SPAG16: variants seen among roughly 807,000 people sequenced by gnomAD.
SPAG16 encodes sperm-associated antigen 16 protein.
In SPAG16, 86 loss-of-function variants were observed where a neutral mutation model predicts 80.4. That is an observed-to-expected ratio of 1.07 (90% confidence interval 0.90 to 1.28). The LOEUF is 1.28. SPAG16 is among the 50% of genes most tolerant of loss of function. SPAG16 has a pLI of 0.00. For synonymous variants in SPAG16, 294 were observed against 265.9 expected (o/e 1.11, Z -1.03); for missense variants, 870 against 765.3 (o/e 1.14, Z -1.61).
At chr2:214,027,515 G>C (rs1348637456) in intron 13 of SPAG16, among the ~76,000 whole-genome samples, 1 of 151,570 alleles carries the variant, frequency 6.6e-6, no homozygotes, top group Admixed American at 6.6e-5. Context: ...ACATTTATAG[G>C]TGGTAAAATT....
rs1430790492 is a variant in SPAG16, at chr2:214,336,052, C to G, written c.1721-74088C>G. On this transcript the variant is annotated intron_variant, in intron 15 of 15. Transcript: ENST00000331683. The stretch of plus-strand genomic sequence containing the variant: ...GATTATGGCTGTGAGCCACCACGCC[C>G]AAGCCTATTATTAGGATTCACTTTA... Among the ~76,000 whole-genome samples, 7 of 152,078 alleles carry G rather than the reference C, an allele frequency of 4.6e-5. 1 individual carries two copies. Among genetic ancestry groups the G allele is most frequent in the Non-Finnish European group, 7.4e-5 (5 of 68,022 alleles).
intron 15 of SPAG16, among the ~76,000 whole-genome samples, chr2:214,401,324 TC>T (rs1194091659): frequency 2.0e-5 from 3 of 151,952 alleles, no homozygotes; most frequent in Non-Finnish European, 4.4e-5. Context: ...TTTCTGCCTA[TC>T]TATATTGATT....
intron 9 of SPAG16, among the ~76,000 whole-genome samples, chr2:213,471,228 A>G (rs2073059887): frequency 6.6e-6 from 1 of 152,176 alleles, no homozygotes; most frequent in African/African-American, 2.4e-5. Context: ...CCATGAAGCC[A>G]TCAGTGCAGG....
intron 10 of SPAG16, among the ~76,000 whole-genome samples, chr2:213,787,829 C>A (rs927757146): frequency 4.0e-5 from 6 of 151,882 alleles, no homozygotes; most frequent in African/African-American, 1.5e-4. Flanking sequence ...ATTTTAAAAT[C>A]ACATACTCTT....
intron 10 of SPAG16, among the ~76,000 whole-genome samples, chr2:213,853,181 C>T (rs918284325): frequency 1.7e-4 from 26 of 152,178 alleles, no homozygotes; most frequent in African/African-American, 5.8e-4. Flanking sequence ...GTTGAATAAC[C>T]TAAAGGGAAG....
intron 6 of SPAG16, among the ~76,000 whole-genome samples, chr2:213,343,580 A>G (rs1350388150): frequency 6.6e-6 from 1 of 152,176 alleles, no homozygotes; most frequent in Non-Finnish European, 1.5e-5. Flanking sequence ...ATTAGCAGGC[A>G]GGGACTTTAC....
At chr2:213,980,253 ATGTGTG>A (rs1237067331) in intron 12 of SPAG16, among the ~76,000 whole-genome samples, 1,541 of 77,640 alleles carry the variant, frequency 0.02, 267 homozygotes, top group South Asian at 0.042. Context: ...TATAGAATAT[ATGTGTG>A]TATATATATT....
At chr2:213,397,690 G>A (rs921781271) in intron 9 of SPAG16, among the ~76,000 whole-genome samples, 2 of 151,938 alleles carry the variant, frequency 1.3e-5, no homozygotes, top group South Asian at 2.1e-4. Flanking sequence ...CCTTGTTATT[G>A]CAAGTAACTG....
intron 15 of SPAG16, among the ~76,000 whole-genome samples, chr2:214,338,059 A>G (rs1697419603): frequency 6.6e-6 from 1 of 152,198 alleles, no homozygotes; most frequent in Non-Finnish European, 1.5e-5. Flanking sequence ...CCACTTTAAA[A>G]ATTATATATA....
intron 9 of SPAG16, among the ~76,000 whole-genome samples, chr2:213,377,616 T>C (rs1265145107): frequency 1.3e-5 from 2 of 152,180 alleles, no homozygotes; most frequent in Admixed American, 1.3e-4. Flanking sequence ...TGGTGGTGTG[T>C]GGCCGTTCGT....
intron 15 of SPAG16, among the ~76,000 whole-genome samples, chr2:214,388,727 G>C (rs889131461): frequency 6.6e-6 from 1 of 152,186 alleles, no homozygotes; most frequent in African/African-American, 2.4e-5. Flanking sequence ...AAAAGCATGT[G>C]CATGTGAAAG....
intron 14 of SPAG16, among the ~76,000 whole-genome samples, chr2:214,111,208 A>G (rs528561862): frequency 3.9e-4 from 60 of 151,966 alleles, no homozygotes; most frequent in South Asian, 4.2e-4. Flanking sequence ...TCTTGCCCAT[A>G]CCTATGTCCT....
intron 13 of SPAG16, among the ~76,000 whole-genome samples, chr2:214,088,841 A>G (rs976770477): frequency 3.3e-5 from 5 of 152,092 alleles, no homozygotes; most frequent in Admixed American, 6.6e-5. Context: ...TGAAAAATAG[A>G]AAGATAGCCT....
intron 4 of SPAG16, among the ~76,000 whole-genome samples, chr2:213,311,639 G>T: frequency 6.6e-6 from 1 of 151,516 alleles, no homozygotes; most frequent in Non-Finnish European, 1.5e-5. Flanking sequence ...TTAGAATATC[G>T]TGGTTCAAGT....
chr2:213,591,322 A>G (rs2124922574), intron 10 of SPAG16, among the ~76,000 whole-genome samples: 1 of 152,292 alleles, frequency 6.6e-6, no homozygotes, highest in East Asian at 1.9e-4. Flanking sequence ...ACACTTCTAG[A>G]AACACTTCTT....
intron 11 of SPAG16, among the ~76,000 whole-genome samples, chr2:213,880,591 G>A (rs2076305972): frequency 6.6e-6 from 1 of 152,114 alleles, no homozygotes; most frequent in Non-Finnish European, 1.5e-5. Flanking sequence ...TTTCTTCTAG[G>A]ATTTTTATAG....
chr2:213,648,059 G>A (rs553109123), intron 10 of SPAG16, among the ~76,000 whole-genome samples: 27 of 152,024 alleles, frequency 1.8e-4, no homozygotes, highest in Non-Finnish European at 8.8e-5. Context: ...AGGATTATCC[G>A]CTCAAAATTA....
At chr2:214,041,985 TATATATATATA>T (rs2049045465) in intron 13 of SPAG16, among the ~76,000 whole-genome samples, 1 of 116,972 alleles carries the variant, frequency 8.5e-6, no homozygotes, top group African/African-American at 3.9e-5. Context: ...TGTGTATATA[TATATATATATA>T]TATATATATA....
At chr2:213,761,370 C>T (rs966751548) in intron 10 of SPAG16, among the ~76,000 whole-genome samples, 4 of 151,874 alleles carry the variant, frequency 2.6e-5, no homozygotes, top group African/African-American at 9.7e-5. Flanking sequence ...ACAAATTAAA[C>T]CTAAAGCTAG....
Sources: gnomAD v4.1 joint callset for allele counts (sites outside exome capture counted in the v4.1 genomes callset) on GRCh38, gnomAD v4.1.1 for gene constraint, MANE v1.5 for transcripts, NCBI Gene and HGNC (gene_info 2026-07-23, HGNC 2026-07-21) for gene names.